Variants in TCF7L1 observed in about 807,000 individuals in gnomAD.
The protein encoded by TCF7L1 is transcription factor 7 like 1, also known as transcription factor 7-like 1.
In TCF7L1, 18 loss-of-function variants were observed where a neutral mutation model predicts 63.7. The observed-to-expected ratio is 0.28, with a 90% confidence interval of 0.20 to 0.42. The LOEUF is 0.42. TCF7L1 is among the 10% of genes least tolerant of loss of function. The pLI is 1.00. For synonymous variants in TCF7L1, 355 were observed against 340.9 expected, an observed-to-expected ratio of 1.04 and a Z score of -0.46; for missense variants, 654 against 779.3, an observed-to-expected ratio of 0.84 and a Z score of 1.91.
At chr2:85,267,330 CAAAAAAAA>C (rs1217663362) in intron 3 of TCF7L1, among the ~76,000 whole-genome samples, 1 of 44,178 alleles carries the variant, frequency 2.3e-5, no homozygotes, top group Non-Finnish European at 4.5e-5. Context: ...GGCTCTGTCT[CAAAAAAAA>C]AAAAAAAAAA....
At chr2:85,145,927 T>C (rs1402904335) in intron 3 of TCF7L1, among the ~76,000 whole-genome samples, 1 of 151,982 alleles carries the variant, frequency 6.6e-6, no homozygotes, top group Non-Finnish European at 1.5e-5. Flanking sequence ...CCCAGGCTGG[T>C]CTCGAATGCC....
At chr2:85,157,407 G>A (rs1426905725) in intron 3 of TCF7L1, among the ~76,000 whole-genome samples, 1 of 152,204 alleles carries the variant, frequency 6.6e-6, no homozygotes, top group Non-Finnish European at 1.5e-5. Flanking sequence ...AGTAGGAACT[G>A]GTTATTCATC....
intron 3 of TCF7L1, among the ~76,000 whole-genome samples, chr2:85,161,059 A>G (rs1283101691): frequency 6.6e-6 from 1 of 152,210 alleles, no homozygotes; most frequent in Non-Finnish European, 1.5e-5. Context: ...ATACACCAGC[A>G]TCCGTAGAGC....
chr2:85,166,620 C>T (rs1006288092), intron 3 of TCF7L1, among the ~76,000 whole-genome samples: 1 of 152,162 alleles, frequency 6.6e-6, no homozygotes, highest in South Asian at 2.1e-4. Flanking sequence ...ACAGTCAGAT[C>T]GGACATCACT....
intron 3 of TCF7L1, among the ~76,000 whole-genome samples, chr2:85,195,041 T>C (rs1470093773): frequency 6.6e-6 from 1 of 152,252 alleles, no homozygotes; most frequent in Non-Finnish European, 1.5e-5. Flanking sequence ...CAGTCCTTTT[T>C]CGCAGCATTT....
intron 3 of TCF7L1, among the ~76,000 whole-genome samples, chr2:85,188,299 A>G (rs1333434631): frequency 6.6e-6 from 1 of 152,204 alleles, no homozygotes; most frequent in Non-Finnish European, 1.5e-5. Context: ...AACTGGTGAA[A>G]TCTGAGAAAG....
At chr2:85,143,158 G>A (rs1030659210) in intron 3 of TCF7L1, among the ~76,000 whole-genome samples, 9 of 152,178 alleles carry the variant, frequency 5.9e-5, no homozygotes, top group Admixed American at 6.5e-5. Flanking sequence ...CTGTGTCACA[G>A]CATTTTTGGA....
At chr2:85,185,540 C>G (rs933944232) in intron 3 of TCF7L1, among the ~76,000 whole-genome samples, 4 of 152,150 alleles carry the variant, frequency 2.6e-5, no homozygotes, top group African/African-American at 9.7e-5. Context: ...TAGTCTCACA[C>G]TGAACCACAG....
chr2:85,300,968 CAG>C (rs1283347407), intron 4 of TCF7L1, among the ~76,000 whole-genome samples: 1 of 152,004 alleles, frequency 6.6e-6, no homozygotes, highest in Non-Finnish European at 1.5e-5. Flanking sequence ...TTAGTAGAGA[CAG>C]GGTTTCACCA....
intron 3 of TCF7L1, among the ~76,000 whole-genome samples, chr2:85,247,293 A>G (rs1417381331): frequency 6.6e-6 from 1 of 152,212 alleles, no homozygotes; most frequent in South Asian, 2.1e-4. Flanking sequence ...ACTCATATGC[A>G]TCCTATTTCA....
intron 3 of TCF7L1, among the ~76,000 whole-genome samples, chr2:85,177,441 A>G (rs1251081933): frequency 4.6e-5 from 7 of 152,256 alleles, no homozygotes; most frequent in African/African-American, 1.7e-4. Context: ...GTGGTGGCTC[A>G]TGCCTGTATT....
chr2:85,173,559 G>A (rs1366829777), intron 3 of TCF7L1, among the ~76,000 whole-genome samples: 2 of 152,128 alleles, frequency 1.3e-5, no homozygotes, highest in African/African-American at 4.8e-5. Flanking sequence ...CAGGGGAATC[G>A]CAAATACATT....
intron 3 of TCF7L1, among the ~76,000 whole-genome samples, chr2:85,249,601 G>A (rs886174036): frequency 6.6e-6 from 1 of 152,164 alleles, no homozygotes; most frequent in East Asian, 1.9e-4. Flanking sequence ...TTTTCTGGGG[G>A]TCTGCGGAAC....
intron 3 of TCF7L1, among the ~76,000 whole-genome samples, chr2:85,220,842 A>G (rs1452500416): frequency 6.6e-6 from 1 of 152,236 alleles, no homozygotes; most frequent in Non-Finnish European, 1.5e-5. Flanking sequence ...ACTGGAAAAG[A>G]TTAGAAACAA....
chr2:85,178,906 T>G (rs900152155), intron 3 of TCF7L1, among the ~76,000 whole-genome samples: 1 of 152,150 alleles, frequency 6.6e-6, no homozygotes, highest in Non-Finnish European at 1.5e-5. Context: ...TACAGCCTGT[T>G]TCAAAGGGAA....
intron 3 of TCF7L1, among the ~76,000 whole-genome samples, chr2:85,187,731 T>C (rs1377525453): frequency 1.3e-5 from 2 of 152,232 alleles, no homozygotes; most frequent in African/African-American, 4.8e-5. Context: ...TGGAGCTATA[T>C]AGTAAGCCTT....
intron 3 of TCF7L1, among the ~76,000 whole-genome samples, chr2:85,154,267 G>C (rs1363068212): frequency 6.6e-6 from 1 of 152,180 alleles, no homozygotes; most frequent in Non-Finnish European, 1.5e-5. Flanking sequence ...TGCTCTGAGA[G>C]GACACATGAT....
chr2:85,266,562 G>A (rs1018590758), intron 3 of TCF7L1, among the ~76,000 whole-genome samples: 1 of 152,206 alleles, frequency 6.6e-6, no homozygotes, highest in Admixed American at 6.5e-5. Flanking sequence ...CGGCTCCTGG[G>A]GTTTTCAGTG....
At chr2:85,283,356 C>A in intron 3 of TCF7L1, 139 bp from the exon 4 acceptor site, 1 of 779,340 alleles carries the variant, frequency 1.3e-6, no homozygotes, top group Non-Finnish European at 2.2e-6. Flanking sequence ...GAAATTGACC[C>A]AGTACAGGGC....
Sources: gnomAD v4.1 joint callset for allele counts (sites outside exome capture counted in the v4.1 genomes callset) on GRCh38, gnomAD v4.1.1 for gene constraint, MANE v1.5 for transcripts, NCBI Gene and HGNC (gene_info 2026-07-23, HGNC 2026-07-21) for gene names.